Variants in MGAT4A observed in about 807,000 individuals in gnomAD.
The protein encoded by MGAT4A is N-acetylglucosaminyltransferase IVa.
In MGAT4A, 33 loss-of-function variants were observed where a neutral mutation model predicts 74.1. The ratio of observed to expected loss-of-function variants is 0.45; its 90% CI spans 0.34 to 0.60. The LOEUF is 0.60. Among genes scored for constraint, MGAT4A ranks in the 20% least tolerant of loss-of-function variants. The pLI is 0.02. For missense variants in MGAT4A, 479 were observed against 628.3 expected (o/e 0.76, Z 2.54); for synonymous variants, 198 against 210.4 (o/e 0.94, Z 0.51).
chr2:98,669,435 C>G (rs923580346), intron 4 of MGAT4A, among the ~76,000 whole-genome samples: 1 of 152,144 alleles, frequency 6.6e-6, no homozygotes, highest in Non-Finnish European at 1.5e-5. Flanking sequence ...GCCCCAGCCA[C>G]GTGGAACTGT....
intron 4 of MGAT4A, among the ~76,000 whole-genome samples, chr2:98,666,310 A>T (rs1325266794): frequency 6.6e-6 from 1 of 152,174 alleles, no homozygotes; most frequent in Non-Finnish European, 1.5e-5. Flanking sequence ...AGGGCCTCCA[A>T]TCCAGATTTC....
intron 2 of MGAT4A, among the ~76,000 whole-genome samples, chr2:98,717,975 GA>G (rs998510648): frequency 6.6e-6 from 1 of 152,160 alleles, no homozygotes; most frequent in African/African-American, 2.4e-5. Context: ...ATTCTGTAAA[GA>G]AAAACAAATC....
At chr2:98,684,078 T>C (rs913658368) in intron 2 of MGAT4A, among the ~76,000 whole-genome samples, 8 of 152,210 alleles carry the variant, frequency 5.3e-5, no homozygotes, top group Non-Finnish European at 1.2e-4. Flanking sequence ...TCTAGAACTT[T>C]CTAGAATTTT....
chr2:98,652,361 C>T (rs1353356619), intron 8 of MGAT4A, among the ~76,000 whole-genome samples: 2 of 145,796 alleles, frequency 1.4e-5, no homozygotes, highest in Non-Finnish European at 3.0e-5. Flanking sequence ...GACAGAGTCT[C>T]ACTGTGTCGC....
intron 4 of MGAT4A, chr2:98,663,595 C>T (rs1022041484): frequency 9.9e-6 from 6 of 604,352 alleles, no homozygotes; most frequent in Non-Finnish European, 1.5e-5. Flanking sequence ...CAATGCATAA[C>T]CTCAACTTAA....
chr2:98,639,289 A>G (rs187344703), intron 12 of MGAT4A, among the ~76,000 whole-genome samples: 3 of 152,298 alleles, frequency 2.0e-5, no homozygotes, highest in Admixed American at 1.3e-4. Context: ...GTCTCAAAAA[A>G]AAAAAAGGAA....
chr2:98,634,063 CTT>C (rs1333352563), intron 14 of MGAT4A, among the ~76,000 whole-genome samples: 1 of 152,204 alleles, frequency 6.6e-6, no homozygotes, highest in Non-Finnish European at 1.5e-5. Context: ...AATATTTGCT[CTT>C]GTCTAATACT....
At position 98,641,599 on chromosome 2, in the gene MGAT4A, A is replaced by C. The variant is rs372213283; in HGVS notation, c.1021-1371T>G. Among the ~76,000 whole-genome samples, 350 of 150,740 alleles carry C rather than the reference A, an allele frequency of 2.3e-3. 1 individual carries two copies. The highest frequency in any genetic ancestry group is 8.2e-3 in the African/African-American group (335 of 41,030). ...GCTGAGGCAGGAGAATGGCGTGAAC[A>C]CGGGAGGCGGAGCTTGCAGTGAGCC... On this transcript the variant is annotated intron_variant, in intron 10 of 15. Transcript: ENST00000393487.
At chr2:98,714,377 G>A (rs142185311) in intron 2 of MGAT4A, among the ~76,000 whole-genome samples, 24 of 152,190 alleles carry the variant, frequency 1.6e-4, no homozygotes, top group East Asian at 1.9e-4. Context: ...ATGAGCCACC[G>A]CATCCTGCCA....
At chr2:98,701,983 C>T (rs980061365) in intron 2 of MGAT4A, among the ~76,000 whole-genome samples, 3 of 152,156 alleles carry the variant, frequency 2.0e-5, no homozygotes, top group Non-Finnish European at 4.4e-5. Context: ...TCTAGCATAA[C>T]AGAGTGAGAA....
In MGAT4A at chr2:98,645,644, TGAA is replaced by T. The variant is rs1461220754; in HGVS notation, c.775-105_775-103del. ...TACAAGCATACCTTTATCATGAAAA[TGAA>T]GAAGACAATGGTAAAAACAATAAAA... On this transcript the variant is annotated intron_variant, in intron 8 of 15. Transcript: ENST00000393487. 25 of 854,090 alleles carry T rather than the reference TGAA, an allele frequency of 2.9e-5. No individual in the cohort carries two copies. In the South Asian group the frequency reaches 5.4e-4, roughly 19 times the overall value. 52.9% of individuals were successfully genotyped at this position (854,090 alleles called of 1,614,324 possible).
intron 14 of MGAT4A, among the ~76,000 whole-genome samples, chr2:98,632,943 A>T (rs1007727718): frequency 5.9e-5 from 9 of 152,178 alleles, no homozygotes; most frequent in Non-Finnish European, 1.2e-4. Flanking sequence ...TATTTTTACT[A>T]GAGATAGGGT....
chr2:98,684,276 A>G (rs1009033920), intron 2 of MGAT4A, among the ~76,000 whole-genome samples: 24 of 152,178 alleles, frequency 1.6e-4, no homozygotes, highest in African/African-American at 5.1e-4. Context: ...TGCTTTTCTT[A>G]GAATCATTTC....
chr2:98,683,270 C>T (rs551190592), intron 2 of MGAT4A, among the ~76,000 whole-genome samples: 68 of 152,206 alleles, frequency 4.5e-4, no homozygotes, highest in Non-Finnish European at 8.5e-4. Flanking sequence ...GGAAAAATAA[C>T]AGAACACAGA....
At position 98,719,391 on chromosome 2, in the gene MGAT4A, T is replaced by C. The variant is rs1488167418; in HGVS notation, c.94+6848A>G. On this transcript the variant is annotated intron_variant, in intron 2 of 15. Transcript: ENST00000393487. ...GTAAAGGGGTATCCCAGGGTGAGTG[T>C]GGGCAAACCAAGAGCTGAAGCTGCG... is the stretch of plus-strand genomic sequence containing the variant. Among the ~76,000 whole-genome samples the C allele has an allele frequency of 2.6e-5, 4 of 152,320 alleles. No individual in the cohort carries two copies. In the East Asian group the frequency reaches 5.8e-4, roughly 22 times the overall value.
rs1470703985 is a variant in MGAT4A, at chr2:98,663,981, T to TA, written c.404-803dup. On this transcript the variant is annotated intron_variant, in intron 4 of 15. Transcript: ENST00000393487. ...CCAGCACTTTGGGAGGTACAGGTGGTACACTGCTTGAGCTCAGGAGTTTCA... is the reference window on the plus strand; with the variant it reads ...CCAGCACTTTGGGAGGTACAGGTGGTAACACTGCTTGAGCTCAGGAGTTTCA... 2.6e-5 allele frequency among the ~76,000 whole-genome samples: 4 copies of TA among 152,008 alleles called. 1 individual carries two copies. The highest frequency in any genetic ancestry group is 9.7e-5 in the African/African-American group (4 of 41,426).
chr2:98,628,417 T>A (rs1701177716), intron 14 of MGAT4A, among the ~76,000 whole-genome samples: 1 of 152,244 alleles, frequency 6.6e-6, no homozygotes, highest in Non-Finnish European at 1.5e-5. Context: ...TTACTTTGGC[T>A]GCTGCTATTA....
At chr2:98,714,541 A>G (rs1189687131) in intron 2 of MGAT4A, among the ~76,000 whole-genome samples, 1 of 152,210 alleles carries the variant, frequency 6.6e-6, no homozygotes, top group Non-Finnish European at 1.5e-5. Context: ...CTATGCACGC[A>G]CACATGTATC....
At chr2:98,671,572 C>T (rs190957581) in intron 4 of MGAT4A, among the ~76,000 whole-genome samples, 60 of 152,310 alleles carry the variant, frequency 3.9e-4, no homozygotes, top group African/African-American at 1.4e-3. Flanking sequence ...ACATTCCACA[C>T]TCCCTTCCAC....
Sources: gnomAD v4.1 joint callset for allele counts (sites outside exome capture counted in the v4.1 genomes callset) on GRCh38, gnomAD v4.1.1 for gene constraint, MANE v1.5 for transcripts, NCBI Gene and HGNC (gene_info 2026-07-23, HGNC 2026-07-21) for gene names.